Variants in TOP1 observed in about 807,000 individuals in gnomAD.
The protein encoded by TOP1 is DNA topoisomerase 1.
A neutral mutation model predicts 111.1 loss-of-function variants in TOP1; 10 were observed. That is an observed-to-expected ratio of 0.09 (90% confidence interval 0.06 to 0.15). TOP1 has a LOEUF of 0.15. Among genes scored for constraint, TOP1 ranks in the 10% least tolerant of loss-of-function variants. The pLI, the probability that TOP1 is intolerant of heterozygous loss-of-function variation, is 1.00. For synonymous variants in TOP1, 271 were observed against 302.9 expected (o/e 0.89, Z 1.10); for missense variants, 474 against 926.7 (o/e 0.51, Z 6.34).
chr20:41,116,219 C>T lies in TOP1; in HGVS notation c.1708-59C>T, dbSNP rs559303538. 1 of 1,112,798 alleles carries T rather than the reference C, an allele frequency of 9.0e-7. No individual in the cohort carries two copies. The highest frequency in any genetic ancestry group is 1.4e-6 in the Non-Finnish European group (1 of 733,564). The allele number at this position is 1,112,798 out of a possible 1,614,324, so 68.9% of individuals were successfully genotyped here. A position where few individuals can be genotyped will look rare whatever the true frequency, so the allele number is the denominator to read the frequency against. On this transcript the variant is annotated intron_variant, in intron 16 of 20. Transcript: ENST00000361337. This position sits in a 1 kb window ranked among gnomAD's most constrained non-coding sequence, Gnocchi z 5.6. ...GCACTGGCATAAATTACTCCTAGGG[C>T]TGCCAGAAGGAGCAGGTAGTATAGC...
At position 41,071,961 on chromosome 20, in the gene TOP1, C is replaced by T. The variant is rs776025690; in HGVS notation, c.156-4210C>T. Among the ~76,000 whole-genome samples the T allele has an allele frequency of 3.3e-5, 5 of 152,322 alleles. No individual in the cohort carries two copies. Among genetic ancestry groups the T allele is most frequent in the Non-Finnish European group, 7.4e-5 (5 of 68,024 alleles). On this transcript the variant is annotated intron_variant, in intron 3 of 20. Transcript: ENST00000361337. This position sits in a 1 kb window ranked among gnomAD's most constrained non-coding sequence, Gnocchi z 4.3. ...TGCTACTGTCTGTATTTTTGTCCTT[C>T]AGCATATCCCAGACTAAACTTACTC...
At chr20:41,113,444 T>C (rs2034274523) in intron 14 of TOP1, among the ~76,000 whole-genome samples, 1 of 152,036 alleles carries the variant, frequency 6.6e-6, no homozygotes, top group South Asian at 2.1e-4. Context: ...GGAGCATGAA[T>C]ATTTAACATC....
chr20:41,054,444 CTT>C (rs1159232367), intron 2 of TOP1, among the ~76,000 whole-genome samples: 1 of 152,188 alleles, frequency 6.6e-6, no homozygotes, highest in African/African-American at 2.4e-5. Flanking sequence ...AATTAAACCT[CTT>C]TATAAATTAC....
Position 41,029,808 on chromosome 20 carries a change from C to A in TOP1, c.58+353C>A. On this transcript the variant is annotated intron_variant, in intron 2 of 20. Coordinates refer to ENST00000361337, the MANE Select transcript of TOP1 (RefSeq NM_003286.4). This position sits in a 1 kb window ranked among gnomAD's most constrained non-coding sequence, Gnocchi z 6.1. Reference sequence around the variant, plus strand: ...TTTCTCTCTCCTCTCCTTTCTGTGCCTGTGTCTCTTTCTCTCCCTCCCTCG... The same window carrying A: ...TTTCTCTCTCCTCTCCTTTCTGTGCATGTGTCTCTTTCTCTCCCTCCCTCG... 1 of 349,920 alleles carries A rather than the reference C, an allele frequency of 2.9e-6. No homozygotes were observed. Among genetic ancestry groups the A allele is most frequent in the Non-Finnish European group, 5.4e-6 (1 of 186,352 alleles). The allele number at this position is 349,920 out of a possible 1,614,324, so 21.7% of individuals were successfully genotyped here.
At position 41,092,675 on chromosome 20, in the gene TOP1, A is replaced by G; in HGVS notation, c.730+88A>G. ...AGAAAACAAGGAAGGATCCTATGTA[A>G]TAGATAATCCTTTTTATTTCATTTT... On this transcript the variant is annotated intron_variant, in intron 9 of 20. Transcript: ENST00000361337. The surrounding 1 kb of genome is among the most constrained non-coding windows in gnomAD (Gnocchi z 4.3). The G allele has an allele frequency of 3.0e-6, 2 of 658,686 alleles. No homozygotes were observed. The highest frequency in any genetic ancestry group is 5.3e-6 in the Non-Finnish European group (2 of 380,052). 40.8% of individuals were successfully genotyped at this position (658,686 alleles called of 1,614,324 possible).
intron 14 of TOP1, among the ~76,000 whole-genome samples, 184 bp downstream of exon 14, chr20:41,113,109 C>CT (rs373560590): frequency 5.9e-5 from 9 of 152,292 alleles, no homozygotes; most frequent in African/African-American, 1.9e-4. Flanking sequence ...AGATTCTGAT[C>CT]TTTTTTTAAC....
At position 41,097,077 on chromosome 20, in the gene TOP1, G is replaced by C; in HGVS notation, c.731-143G>C. On this transcript the variant is annotated intron_variant, in intron 9 of 20. Transcript: ENST00000361337. This position sits in a 1 kb window ranked among gnomAD's most constrained non-coding sequence, Gnocchi z 4.2. ...AGATATAAATCAGTATGTTGTCTTT[G>C]TTGTTGTTGCTACTATGTGTCACCA... 1.3e-6 allele frequency: 1 copy of C among 757,978 alleles called. No homozygotes were observed. Among genetic ancestry groups the C allele is most frequent in the Non-Finnish European group, 2.1e-6 (1 of 477,438 alleles). The allele number at this position is 757,978 out of a possible 1,614,324, so 47.0% of individuals were successfully genotyped here.
At chr20:41,075,618 A>G (rs144039943) in intron 3 of TOP1, among the ~76,000 whole-genome samples, 1 of 152,354 alleles carries the variant, frequency 6.6e-6, no homozygotes, top group Non-Finnish European at 1.5e-5. Flanking sequence ...GAACATTCCT[A>G]TGCCCTTGCT....
At chr20:41,047,646 T>C (rs1244864654) in intron 2 of TOP1, among the ~76,000 whole-genome samples, 2 of 152,238 alleles carry the variant, frequency 1.3e-5, no homozygotes, top group Non-Finnish European at 2.9e-5. Context: ...TTCATTTACA[T>C]GTAATCTGTG....
chr20:41,054,838 T>G (rs1329257028), intron 2 of TOP1, among the ~76,000 whole-genome samples: 1 of 152,248 alleles, frequency 6.6e-6, no homozygotes, highest in African/African-American at 2.4e-5. Flanking sequence ...TTTTTTTCTT[T>G]CTTTTTTTTA....
In TOP1 at chr20:41,046,951, T is replaced by C. The variant is rs1008253932; in HGVS notation, c.59-14443T>C. Among the ~76,000 whole-genome samples the C allele has an allele frequency of 6.6e-6, 1 of 152,214 alleles. No individual in the cohort carries two copies. Among genetic ancestry groups the C allele is most frequent in the African/African-American group, 2.4e-5 (1 of 41,448 alleles). On this transcript the variant is annotated intron_variant, in intron 2 of 20. Transcript: ENST00000361337. The surrounding 1 kb of genome is among the most constrained non-coding windows in gnomAD (Gnocchi z 4.3). ...AGAGTGAGGTAGATTTTAACCACTT[T>C]CAAGTCAAGTTGATTGGCCATTCAT...
chr20:41,112,158 C>T lies in TOP1; in HGVS notation c.1309-624C>T, dbSNP rs2034253265. On this transcript the variant is annotated intron_variant, in intron 13 of 20. Transcript: ENST00000361337. The surrounding 1 kb of genome is among the most constrained non-coding windows in gnomAD (Gnocchi z 5.8). ...TGGCTGTTCCTGGAAGTCATTGTGTCCTTAGTAATTACATGTTGTAGTCTT... is the reference window on the plus strand; with the variant it reads ...TGGCTGTTCCTGGAAGTCATTGTGTTCTTAGTAATTACATGTTGTAGTCTT... Among the ~76,000 whole-genome samples, 1 of 152,124 alleles carries T rather than the reference C, an allele frequency of 6.6e-6. No homozygotes were observed. Among genetic ancestry groups the T allele is most frequent in the Non-Finnish European group, 1.5e-5 (1 of 68,022 alleles).
chr20:41,076,998 A>T (rs2033735518), intron 4 of TOP1, among the ~76,000 whole-genome samples: 2 of 152,212 alleles, frequency 1.3e-5, no homozygotes. Context: ...TTTCTGACGA[A>T]TCTAGAAAGC....
intron 3 of TOP1, among the ~76,000 whole-genome samples, chr20:41,070,226 A>G (rs2033654641): frequency 1.3e-5 from 2 of 152,218 alleles, no homozygotes; most frequent in Admixed American, 1.3e-4. Flanking sequence ...TCACGCTATT[A>G]ATAGAGACAA....
rs2145936063 is a variant in TOP1 at position 41,077,617 on chromosome 20, G to A, written c.315G>A (p.Glu105=). The change falls in exon 5 of 21, where the codon GAG becomes GAA. Residue 105 remains glutamate, a synonymous_variant. Transcript: ENST00000361337. ...RASGDAKIKK[E]KENGFSSPPQ... is the part of the protein sequence containing the mutation. Reference sequence around the variant, plus strand: ...CTGGGGATGCAAAAATAAAGAAGGAGAAGGAAAATGGCTTCTCTAGGTAAG... The same window carrying A: ...CTGGGGATGCAAAAATAAAGAAGGAAAAGGAAAATGGCTTCTCTAGGTAAG... 8.7e-6 allele frequency: 14 copies of A among 1,614,122 alleles called. No homozygotes were observed. The highest frequency in any genetic ancestry group is 1.2e-5 in the Non-Finnish European group (14 of 1,179,958).
chr20:41,119,062 G>T (rs999122930), intron 18 of TOP1, among the ~76,000 whole-genome samples: 4 of 152,172 alleles, frequency 2.6e-5, no homozygotes, highest in African/African-American at 9.7e-5. Context: ...GGTTAAAAAG[G>T]AAACAAATTA....
chr20:41,120,997 T>C (rs1405817929), intron 18 of TOP1, among the ~76,000 whole-genome samples: 1 of 152,124 alleles, frequency 6.6e-6, no homozygotes, highest in African/African-American at 2.4e-5. Context: ...CTCCTCAGCC[T>C]CCCCAAAGTG....
In TOP1 at chr20:41,028,903, G is replaced by C. The variant is rs1222486475; in HGVS notation, c.-165G>C. On this transcript the variant is annotated 5_prime_UTR_variant, in exon 1 of 21. Transcript: ENST00000361337. Reference sequence around the variant, plus strand: ...GGCAGTCAGGCAGCGTCGCCGCCGTGGTAGCAGCCTCAGCCGTTTCTGGAG... The same window carrying C: ...GGCAGTCAGGCAGCGTCGCCGCCGTCGTAGCAGCCTCAGCCGTTTCTGGAG... 14 of 580,338 alleles carry C rather than the reference G, an allele frequency of 2.4e-5. No homozygotes were observed. The highest frequency in any genetic ancestry group is 3.6e-5 in the Non-Finnish European group (12 of 334,006). The allele number at this position is 580,338 out of a possible 1,614,324, so 35.9% of individuals were successfully genotyped here.
Position 41,118,050 on chromosome 20 carries a change from A to G in TOP1, c.1823-119A>G, listed in dbSNP as rs2034362136. ...TCCTTGGGGGCAATTTGAATTAATC[A>G]TCTGAGTAAGATAAGAGCCAGCAAA... is the stretch of plus-strand genomic sequence containing the variant. On this transcript the variant is annotated intron_variant, in intron 17 of 20. Coordinates refer to ENST00000361337, the MANE Select transcript of TOP1 (RefSeq NM_003286.4). The surrounding 1 kb of genome is among the most constrained non-coding windows in gnomAD (Gnocchi z 4.6). 1.8e-6 allele frequency: 2 copies of G among 1,134,912 alleles called. No homozygotes were observed. Among genetic ancestry groups the G allele is most frequent in the African/African-American group, 3.1e-5 (2 of 63,978 alleles). 70.3% of individuals were successfully genotyped at this position (1,134,912 alleles called of 1,614,324 possible). A position where few individuals can be genotyped will look rare whatever the true frequency, so the allele number is the denominator to read the frequency against.
Sources: allele counts gnomAD v4.1 joint callset (sites outside exome capture counted in the v4.1 genomes callset), GRCh38; gene constraint gnomAD v4.1.1; non-coding constraint Gnocchi (gnomAD v3.1); transcripts MANE v1.5; gene names NCBI Gene and HGNC (gene_info 2026-07-23, HGNC 2026-07-21).